Variants in PRKAR1B observed in about 807,000 individuals in gnomAD.
PRKAR1B encodes the protein cAMP-dependent protein kinase type I-beta regulatory subunit.
Under a neutral mutation model 46.5 loss-of-function variants are expected in PRKAR1B, and 22 were observed. The ratio of observed to expected loss-of-function variants is 0.47; its 90% CI spans 0.34 to 0.68. The LOEUF (loss-of-function observed/expected upper bound fraction) is 0.68, where lower values mean the gene tolerates loss of function less well. PRKAR1B is among the 30% of genes least tolerant of loss of function. The probability of loss-of-function intolerance (pLI) is 0.01; values close to 1 mark genes in which losing one functional copy is unlikely to be tolerated. For missense variants in PRKAR1B, 445 were observed against 535.6 expected (o/e 0.83, Z 1.67); for synonymous variants, 259 against 217.7 (o/e 1.19, Z -1.67).
chr7:589,717 T>C (rs745358640), intron 7 of PRKAR1B, among the ~76,000 whole-genome samples: 7 of 152,174 alleles, frequency 4.6e-5, no homozygotes, highest in Non-Finnish European at 1.0e-4. Flanking sequence ...ATCCCGAACC[T>C]CCACTCACAC....
intron 6 of PRKAR1B, among the ~76,000 whole-genome samples, chr7:603,785 T>G (rs536588931): frequency 3.7e-3 from 105 of 28,006 alleles, no homozygotes; most frequent in Non-Finnish European, 4.8e-3. Flanking sequence ...GTGGAGGGGA[T>G]GGGGGAGGAG....
At chr7:551,270 A>C (rs764356766) in intron 10 of PRKAR1B, 119 bp downstream of exon 10, 68 of 932,052 alleles carry the variant, frequency 7.3e-5, no homozygotes, top group Non-Finnish European at 1.0e-4. Flanking sequence ...GGGCTCAGCC[A>C]AGCCCCACTA....
intron 4 of PRKAR1B, among the ~76,000 whole-genome samples, chr7:658,082 T>C (rs527960530): frequency 7.2e-5 from 11 of 152,198 alleles, no homozygotes; most frequent in African/African-American, 2.4e-4. Context: ...GCGAATGTGC[T>C]ACCCCAACCT....
chr7:617,546 A>G (rs1782897101), intron 4 of PRKAR1B, among the ~76,000 whole-genome samples: 1 of 152,150 alleles, frequency 6.6e-6, no homozygotes, highest in Non-Finnish European at 1.5e-5. Context: ...TTGCTTAGTC[A>G]CTTGCTCAGA....
chr7:570,373 T>TCGGGGGGC lies in PRKAR1B; in HGVS notation c.891+8875_891+8882dup, dbSNP rs1779428787. 2.0e-5 allele frequency among the ~76,000 whole-genome samples: 3 copies of TCGGGGGGC among 152,088 alleles called. No individual in the cohort carries two copies. The South Asian group carries it at 6.2e-4, about 32-fold the overall frequency. On this transcript the variant is annotated intron_variant, in intron 9 of 10. Coordinates refer to ENST00000537384, the MANE Select transcript of PRKAR1B (RefSeq NM_001164760.2). ...ACTTTCATACCCCCCGTCAAGGAGC[T>TCGGGGGGC]CGGGGGGCCTGGGAGCCTTCCCTGC...
Position 600,021 on chromosome 7 carries a change from G to A in PRKAR1B, c.550-3717C>T, listed in dbSNP as rs767637963. Reference sequence around the variant, plus strand: ...CTCTGTGTTTAGAAGTCAATGGTGGGACAGGGGTGCCAGGAGCTGGGGGAG... The same window carrying A: ...CTCTGTGTTTAGAAGTCAATGGTGGAACAGGGGTGCCAGGAGCTGGGGGAG... On this transcript the variant is annotated intron_variant, in intron 6 of 10. Coordinates refer to ENST00000537384, the MANE Select transcript of PRKAR1B (RefSeq NM_001164760.2). 3.4e-4 allele frequency among the ~76,000 whole-genome samples: 51 copies of A among 152,010 alleles called. 4 individuals are homozygous for A. The highest frequency in any genetic ancestry group is 6.2e-4 in the Non-Finnish European group (42 of 68,002).
intron 4 of PRKAR1B, among the ~76,000 whole-genome samples, chr7:660,625 A>G (rs1287414558): frequency 1.3e-4 from 7 of 55,454 alleles, no homozygotes; most frequent in African/African-American, 2.3e-4. Flanking sequence ...TCCCCCCCAT[A>G]GCACAAGTCC....
intron 6 of PRKAR1B, among the ~76,000 whole-genome samples, chr7:601,748 G>A (rs960982141): frequency 2.6e-5 from 4 of 152,230 alleles, no homozygotes; most frequent in Admixed American, 6.5e-5. Context: ...AGTCACAGCC[G>A]GTTCCCGCAG....
chr7:670,137 G>GCCTCCC (rs1329537908), intron 4 of PRKAR1B, among the ~76,000 whole-genome samples: 1 of 151,908 alleles, frequency 6.6e-6, no homozygotes, highest in Non-Finnish European at 1.5e-5. Flanking sequence ...CAAAGTGCTG[G>GCCTCCC]AATTATGGAC....
chr7:706,254 AGGT>A (rs1436741580), intron 2 of PRKAR1B, among the ~76,000 whole-genome samples: 4 of 152,052 alleles, frequency 2.6e-5, no homozygotes, highest in Non-Finnish European at 5.9e-5. Flanking sequence ...TGAGCCTGAG[AGGT>A]GGAGGTTGCA....
In PRKAR1B at chr7:680,625, G is replaced by C. The variant is rs1026143498; in HGVS notation, c.279C>G (p.Ala93=). ...CACTCACGCCTCCTCGCCGGCGGCG[G>C]GCCTTCACCACAGGGTTCGGGGGGG... ...SPTPPNPVVK[A]RRRRGGVSAE... The change falls in exon 3 of 11, where the codon GCC becomes GCG. Residue 93 remains alanine (A), a synonymous_variant. Coordinates refer to ENST00000537384, the MANE Select transcript of PRKAR1B (RefSeq NM_001164760.2). 1 of 1,613,290 alleles carries C rather than the reference G, an allele frequency of 6.2e-7. No homozygotes were observed.
At chr7:703,223 T>C (rs987728566) in intron 2 of PRKAR1B, among the ~76,000 whole-genome samples, 1 of 152,204 alleles carries the variant, frequency 6.6e-6, no homozygotes, top group African/African-American at 2.4e-5. Context: ...CAAATGTATA[T>C]GCAACTAATA....
intron 2 of PRKAR1B, among the ~76,000 whole-genome samples, chr7:703,545 A>T (rs909779873): frequency 6.6e-6 from 1 of 152,026 alleles, no homozygotes. Flanking sequence ...AGTCCCAGCT[A>T]CTTGGGAGGC....
At chr7:668,971 G>A (rs192983224) in intron 4 of PRKAR1B, among the ~76,000 whole-genome samples, 54 of 152,158 alleles carry the variant, frequency 3.5e-4, no homozygotes, top group East Asian at 1.9e-4. Flanking sequence ...CATATGACCC[G>A]GCAATTCCAT....
intron 4 of PRKAR1B, among the ~76,000 whole-genome samples, chr7:626,319 T>C (rs1783398709): frequency 6.6e-6 from 1 of 152,024 alleles, no homozygotes; most frequent in Admixed American, 6.6e-5. Context: ...TAGCAATACC[T>C]CATCTCTACT....
chr7:726,397 C>G (rs1265288154), intron 1 of PRKAR1B, among the ~76,000 whole-genome samples: 4 of 152,182 alleles, frequency 2.6e-5, no homozygotes, highest in Non-Finnish European at 5.9e-5. Context: ...CTTCTCCAAG[C>G]CCCCTAGGCT....
Position 687,568 on chromosome 7 carries a change from T to C in PRKAR1B, c.178-6842A>G, listed in dbSNP as rs1779159225. 2.0e-5 allele frequency among the ~76,000 whole-genome samples: 3 copies of C among 152,166 alleles called. No individual in the cohort carries two copies. In the South Asian group the frequency reaches 6.2e-4, roughly 32 times the overall value. The stretch of plus-strand genomic sequence containing the variant: ...AGCTACAGAAAAGTGCTGAAGAGCA[T>C]GTGGACTATGGCAAAAAGCTCCAGT... On this transcript the variant is annotated intron_variant, in intron 2 of 10. Coordinates refer to ENST00000537384, the MANE Select transcript of PRKAR1B (RefSeq NM_001164760.2).
At chr7:571,025 G>A (rs139725430) in intron 9 of PRKAR1B, among the ~76,000 whole-genome samples, 3,250 of 152,294 alleles carry the variant, frequency 0.021, 101 homozygotes, top group African/African-American at 0.064. Flanking sequence ...CTCCAGCCCC[G>A]GGACCGGAGC....
intron 1 of PRKAR1B, among the ~76,000 whole-genome samples, chr7:718,671 G>A (rs947625623): frequency 2.6e-5 from 4 of 151,862 alleles, no homozygotes; most frequent in Admixed American, 6.6e-5. Flanking sequence ...CCATTTTTAA[G>A]TCTAGAAAAT....
Sources: allele counts gnomAD v4.1 joint callset (sites outside exome capture counted in the v4.1 genomes callset), GRCh38; gene constraint gnomAD v4.1.1; transcripts MANE v1.5; gene names NCBI Gene and HGNC (gene_info 2026-07-23, HGNC 2026-07-21).